PARD3B: variants seen among roughly 807,000 people sequenced by gnomAD.
PARD3B encodes the protein par-3 family cell polarity regulator beta, also known as partitioning defective 3 homolog B.
Under a neutral mutation model 130.2 loss-of-function variants are expected in PARD3B, and 103 were observed. The ratio of observed to expected loss-of-function variants is 0.79; its 90% CI spans 0.67 to 0.93. The LOEUF (loss-of-function observed/expected upper bound fraction) is 0.93, where lower values mean the gene tolerates loss of function less well. Among genes scored for constraint, PARD3B ranks in the 40% least tolerant of loss-of-function variants. PARD3B has a pLI of 0.00. For missense variants in PARD3B, 1,609 were observed against 1,499.2 expected, an observed-to-expected ratio of 1.07 and a Z score of -1.21; for synonymous variants, 583 against 553.2, an observed-to-expected ratio of 1.05 and a Z score of -0.76.
chr2:205,530,166 C>G lies in PARD3B; in HGVS notation c.3181-23158C>G, dbSNP rs571207966. On this transcript the variant is annotated intron_variant, in intron 21 of 22. Coordinates refer to ENST00000406610, the MANE Select transcript of PARD3B (RefSeq NM_001302769.2). The surrounding 1 kb of genome is among the most constrained non-coding windows in gnomAD (Gnocchi z 4.7). ...ATAATATGCACATCTAACCTTACAG[C>G]TGCAACTCGTGAAATAGTAAACCAA... is the stretch of plus-strand genomic sequence containing the variant. Among the ~76,000 whole-genome samples the G allele has an allele frequency of 4.4e-4, 67 of 152,186 alleles. No homozygotes were observed. Among genetic ancestry groups the G allele is most frequent in the Non-Finnish European group, 1.0e-4 (7 of 68,036 alleles).
chr2:205,238,869 T>G (rs2039205236), intron 15 of PARD3B, among the ~76,000 whole-genome samples: 1 of 98,090 alleles, frequency 1.0e-5, no homozygotes, highest in Non-Finnish European at 1.9e-5. Context: ...TATATATATA[T>G]ATATATATGT....
At chr2:205,374,382 A>T (rs2044950366) in intron 18 of PARD3B, among the ~76,000 whole-genome samples, 1 of 152,046 alleles carries the variant, frequency 6.6e-6, no homozygotes, top group Admixed American at 6.6e-5. Flanking sequence ...GATTACAGGC[A>T]CAGGCCACCA....
intron 2 of PARD3B, among the ~76,000 whole-genome samples, chr2:204,897,804 C>T (rs900217332): frequency 2.6e-5 from 4 of 151,484 alleles, no homozygotes; most frequent in Non-Finnish European, 5.9e-5. Flanking sequence ...GCCTCTTAAT[C>T]GGAATGTTGT....
At chr2:204,661,238 G>A (rs754592221) in intron 1 of PARD3B, among the ~76,000 whole-genome samples, 2 of 152,126 alleles carry the variant, frequency 1.3e-5, no homozygotes, top group Non-Finnish European at 2.9e-5. Context: ...TCCCCAGGAA[G>A]ATTACCCAGT....
rs1397911659 is a variant in PARD3B at position 204,623,292 on chromosome 2, C to T, written c.121-62889C>T. On this transcript the variant is annotated intron_variant, in intron 1 of 22. Coordinates refer to ENST00000406610, the MANE Select transcript of PARD3B (RefSeq NM_001302769.2). The surrounding 1 kb of genome is among the most constrained non-coding windows in gnomAD (Gnocchi z 4.5). Reference sequence around the variant, plus strand: ...ACCAGCATAAAAATCAGAATATTGGCATCTGTATAAAATGTGAGTATAGCT... The same window carrying T: ...ACCAGCATAAAAATCAGAATATTGGTATCTGTATAAAATGTGAGTATAGCT... Among the ~76,000 whole-genome samples the T allele has an allele frequency of 6.6e-6, 1 of 152,052 alleles. No homozygotes were observed. Among genetic ancestry groups the T allele is most frequent in the Non-Finnish European group, 1.5e-5 (1 of 67,998 alleles).
chr2:205,027,078 A>T (rs1400149122), intron 3 of PARD3B, among the ~76,000 whole-genome samples: 1 of 152,184 alleles, frequency 6.6e-6, no homozygotes, highest in Non-Finnish European at 1.5e-5. Context: ...CTTTGGATAT[A>T]TGGCTGGACC....
intron 3 of PARD3B, among the ~76,000 whole-genome samples, chr2:204,998,356 A>G (rs59539569): frequency 0.01 from 660 of 64,972 alleles, 70 homozygotes; most frequent in African/African-American, 0.03. Context: ...ATATATATAT[A>G]TATGTGTGTG....
intron 2 of PARD3B, among the ~76,000 whole-genome samples, chr2:204,750,519 G>A (rs2040418474): frequency 6.6e-6 from 1 of 152,202 alleles, no homozygotes; most frequent in Admixed American, 6.5e-5. Context: ...CCTGGAGGTG[G>A]AGGTTGTGGT....
rs1319387567 is a variant in PARD3B at position 205,489,511 on chromosome 2, G to GTA, written c.3045-10374_3045-10373dup. The stretch of plus-strand genomic sequence containing the variant: ...TATATATGTGTGTATATATATATAC[G>GTA]TATATATATATACACACATATATAT... On this transcript the variant is annotated intron_variant, in intron 20 of 22. Coordinates refer to ENST00000406610, the MANE Select transcript of PARD3B (RefSeq NM_001302769.2). Among the ~76,000 whole-genome samples the GTA allele has an allele frequency of 1.5e-3, 177 of 118,996 alleles. 2 individuals carry two copies. The highest frequency in any genetic ancestry group is 2.9e-3 in the African/African-American group (93 of 31,740). The allele number at this position is 118,996 out of a possible 152,430, so 78.1% of individuals were successfully genotyped here. A position where few individuals can be genotyped will look rare whatever the true frequency, so the allele number is the denominator to read the frequency against.
chr2:204,730,758 C>T (rs951200838), intron 2 of PARD3B, among the ~76,000 whole-genome samples: 3 of 152,106 alleles, frequency 2.0e-5, no homozygotes, highest in African/African-American at 4.8e-5. Flanking sequence ...TTGGATTGCG[C>T]ACCTTTGGGG....
At position 205,021,650 on chromosome 2, in the gene PARD3B, C is replaced by CTATATA; in HGVS notation, c.395-25920_395-25915dup. 1.0e-5 allele frequency among the ~76,000 whole-genome samples: 1 copy of CTATATA among 98,312 alleles called. No homozygotes were observed. The highest frequency in any genetic ancestry group is 2.9e-4 in the South Asian group (1 of 3,454). The allele number at this position is 98,312 out of a possible 152,430, so 64.5% of individuals were successfully genotyped here. ...TCTCTTTCTCTCTCTCTCTCTCTCT[C>CTATATA]TATATATATATATATAGTTAATCTT... On this transcript the variant is annotated intron_variant, in intron 3 of 22. Transcript: ENST00000406610. The surrounding 1 kb of genome is among the most constrained non-coding windows in gnomAD (Gnocchi z 4.5).
intron 21 of PARD3B, among the ~76,000 whole-genome samples, chr2:205,552,311 G>A (rs2052681636): frequency 8.5e-6 from 1 of 117,480 alleles, no homozygotes; most frequent in Admixed American, 9.5e-5. Flanking sequence ...CAGGGTGGTC[G>A]GGGGGCATCA....
In PARD3B at chr2:205,599,788, G is replaced by A. The variant is rs185859594; in HGVS notation, c.3261-15668G>A. Among the ~76,000 whole-genome samples, 4 of 152,304 alleles carry A rather than the reference G, an allele frequency of 2.6e-5. No individual in the cohort carries two copies. In the East Asian group the frequency reaches 7.7e-4, roughly 29 times the overall value. On this transcript the variant is annotated intron_variant, in intron 22 of 22. Coordinates refer to ENST00000406610, the MANE Select transcript of PARD3B (RefSeq NM_001302769.2). ...TAGGGAGGAATCGTTGGTTCTGGGT[G>A]TTGTTAGAGGTCAAAGCTTTCTCTC...
chr2:205,179,471 G>A (rs1339617944), intron 13 of PARD3B, among the ~76,000 whole-genome samples: 3 of 152,166 alleles, frequency 2.0e-5, no homozygotes, highest in Admixed American at 2.0e-4. Flanking sequence ...CTATGCAGGT[G>A]TACCAATTTT....
rs146519730 is a variant in PARD3B at position 205,542,754 on chromosome 2, G to A, written c.3181-10570G>A. On this transcript the variant is annotated intron_variant, in intron 21 of 22. Transcript: ENST00000406610. ...TGAGCTTATAGGAATCTTTCCTCACGCTAAGCAGTTACATAATTTAGATTC... is the reference window on the plus strand; with the variant it reads ...TGAGCTTATAGGAATCTTTCCTCACACTAAGCAGTTACATAATTTAGATTC... Among the ~76,000 whole-genome samples the A allele has an allele frequency of 2.0e-3, 303 of 152,144 alleles. 2 individuals carry two copies. The highest frequency in any genetic ancestry group is 6.8e-3 in the Middle Eastern group (2 of 294).
chr2:204,902,465 C>G (rs1256530083), intron 2 of PARD3B, among the ~76,000 whole-genome samples: 2 of 151,972 alleles, frequency 1.3e-5, no homozygotes, highest in East Asian at 1.9e-4. Flanking sequence ...GTCAGGAGAT[C>G]GAGACCATCC....
At chr2:205,315,418 C>T (rs1320197873) in intron 18 of PARD3B, among the ~76,000 whole-genome samples, 2 of 152,060 alleles carry the variant, frequency 1.3e-5, no homozygotes, top group East Asian at 1.9e-4. Flanking sequence ...CCTTGGGAGC[C>T]GAGATGTTTC....
intron 20 of PARD3B, among the ~76,000 whole-genome samples, chr2:205,455,998 A>G (rs2048261517): frequency 6.6e-6 from 1 of 152,018 alleles, no homozygotes; most frequent in Non-Finnish European, 1.5e-5. Flanking sequence ...TCTGTCCATA[A>G]TTCTGTCATT....
At chr2:205,445,310 G>A (rs145593593) in intron 20 of PARD3B, among the ~76,000 whole-genome samples, 139 of 152,182 alleles carry the variant, frequency 9.1e-4, no homozygotes, top group African/African-American at 2.9e-3. Context: ...GTCCATTCTC[G>A]CACTGCTATA....
Sources: gnomAD v4.1 joint callset for allele counts (sites outside exome capture counted in the v4.1 genomes callset) on GRCh38, gnomAD v4.1.1 for gene constraint, Gnocchi (gnomAD v3.1) non-coding constraint, MANE v1.5 for transcripts, NCBI Gene and HGNC (gene_info 2026-07-23, HGNC 2026-07-21) for gene names.